The following BOC variants were observed in gnomAD, a reference collection of about 807,000 sequenced individuals.
The protein encoded by BOC is BOC cell adhesion associated, oncogene regulated, also known as brother of CDO.
Under a neutral mutation model 112.0 loss-of-function variants are expected in BOC, and 76 were observed. The observed-to-expected ratio is 0.68, with a 90% CI of 0.56 to 0.82. The LOEUF (loss-of-function observed/expected upper bound fraction) is 0.82, where lower values mean the gene tolerates loss of function less well. BOC is among the 40% of genes least tolerant of loss of function. BOC has a pLI of 0.00. For synonymous variants in BOC, 580 were observed against 599.8 expected (o/e 0.97, Z 0.48); for missense variants, 1,309 against 1,511.7 (o/e 0.87, Z 2.22).
chr3:113,279,528 A>G, intron 12 of BOC, 73 bp downstream of exon 12: 2 of 1,443,782 alleles, frequency 1.4e-6, no homozygotes, highest in Non-Finnish European at 1.9e-6. Flanking sequence ...GAGGATGACG[A>G]GCCTGGGATC....
At position 113,258,593 on chromosome 3, in the gene BOC, C is replaced by A. The variant is rs79604452; in HGVS notation, c.376+7760C>A. On this transcript the variant is annotated intron_variant, in intron 4 of 19. Coordinates refer to ENST00000682979, the MANE Select transcript of BOC (RefSeq NM_001378074.1). The stretch of plus-strand genomic sequence containing the variant: ...GTGTTGGCTTGGGCATCAGGGAATC[C>A]TGTACAAGCTTTTTGCTTTGGGATG... Among the ~76,000 whole-genome samples the A allele has an allele frequency of 3.8e-3, 572 of 152,290 alleles. 16 individuals carry two copies. The East Asian group carries it at 0.087, about 23-fold the overall frequency.
chr3:113,213,179 C>A (rs776812366), intron 1 of BOC, among the ~76,000 whole-genome samples: 17 of 152,140 alleles, frequency 1.1e-4, no homozygotes, highest in Non-Finnish European at 2.1e-4. Context: ...TCTGCTGCTC[C>A]CCTCATCCCT....
At chr3:113,231,261 C>T (rs544115656) in intron 2 of BOC, among the ~76,000 whole-genome samples, 1 of 152,198 alleles carries the variant, frequency 6.6e-6, no homozygotes, top group South Asian at 2.1e-4. Context: ...TTGAAAATTT[C>T]CAAGGTATTT....
intron 1 of BOC, among the ~76,000 whole-genome samples, chr3:113,215,817 T>C (rs2107568910): frequency 6.6e-6 from 1 of 152,360 alleles, no homozygotes; most frequent in East Asian, 1.9e-4. Flanking sequence ...GTTCATTCCT[T>C]GCCCTCTGTA....
Position 113,274,453 on chromosome 3 carries a change from C to G in BOC, c.1313C>G (p.Pro438Arg). Residue 438 changes from proline to arginine, a missense_variant, in exon 9 of 20, where the codon CCT becomes CGT. Pro to Arg is a moderately radical substitution (Grantham distance 103). Transcript: ENST00000682979. The surrounding 1 kb of genome is among the most constrained non-coding windows in gnomAD (Gnocchi z 4.8). ...PPVSPSKLGN[P>R]EQMLRGQPAL... ...GTATCACCCTCCAAACTCGGCAACC[C>G]TGAGCAGATGCTGAGGGGGCAACCG... 1 of 1,610,426 alleles carries G rather than the reference C, an allele frequency of 6.2e-7. No individual in the cohort carries two copies. Among genetic ancestry groups the G allele is most frequent in the Non-Finnish European group, 8.5e-7 (1 of 1,177,680 alleles).
chr3:113,270,805 C>CCCTT lies in BOC; in HGVS notation c.528_529insCCTT (p.Tyr177ProfsTer52). ...CTGGCCCTGCCCTTTCCACAGGTAACTACCTGATCATGCCCTCAGGGAACC... is the reference window on the plus strand; with the variant it reads ...CTGGCCCTGCCCTTTCCACAGGTAACCCTTTACCTGATCATGCCCTCAGGGAACC... On this transcript the variant is annotated frameshift_variant, in exon 6 of 20. Transcript: ENST00000682979. LOFTEE classifies it high-confidence loss of function. 1 of 1,610,920 alleles carries CCCTT rather than the reference C, an allele frequency of 6.2e-7. No homozygotes were observed. The highest frequency in any genetic ancestry group is 2.2e-5 in the East Asian group (1 of 44,874).
At chr3:113,273,777 C>T (rs1211740126) in intron 8 of BOC, among the ~76,000 whole-genome samples, 1 of 152,160 alleles carries the variant, frequency 6.6e-6, no homozygotes, top group African/African-American at 2.4e-5. Flanking sequence ...GAGAAAAATA[C>T]AGCAATGAAT....
At position 113,278,266 on chromosome 3, in the gene BOC, C is replaced by T. The variant is rs1221066351; in HGVS notation, c.1705+9C>T. ...GGTCACCTTCCGAACTGGTGAGAGTCAAACATTGCCCCTTGCTTAGGGTTT... is the reference window on the plus strand; with the variant it reads ...GGTCACCTTCCGAACTGGTGAGAGTTAAACATTGCCCCTTGCTTAGGGTTT... On this transcript the variant is annotated intron_variant, in intron 10 of 19. Transcript: ENST00000682979. The surrounding 1 kb of genome is among the most constrained non-coding windows in gnomAD (Gnocchi z 4.2). The T allele has an allele frequency of 6.2e-7, 1 of 1,613,798 alleles. No homozygotes were observed. Among genetic ancestry groups the T allele is most frequent in the Admixed American group, 1.7e-5 (1 of 60,016 alleles).
Position 113,284,822 on chromosome 3 carries a change from G to A in BOC, c.2930G>A (p.Gly977Asp), listed in dbSNP as rs992792373. The A allele has an allele frequency of 1.2e-6, 2 of 1,614,226 alleles. No individual in the cohort carries two copies. Among genetic ancestry groups the A allele is most frequent in the Non-Finnish European group, 1.7e-6 (2 of 1,180,044 alleles). ...TSSLLRQTHL[G>D]NGYDPQSHQI... Reference sequence around the variant, plus strand: ...AGCCTGCTGAGGCAGACCCATCTTGGCAATGGATATGACCCCCAAAGTCAC... The same window carrying A: ...AGCCTGCTGAGGCAGACCCATCTTGACAATGGATATGACCCCCAAAGTCAC... The change falls in exon 18 of 20, where the codon GGC becomes GAC. Residue 977 changes from glycine (G) to aspartate (D), a missense_variant. Gly to Asp is a moderately conservative substitution (Grantham distance 94, BLOSUM62 -1). Transcript: ENST00000682979.
chr3:113,269,544 T>C (rs1947881608), intron 5 of BOC: 1 of 151,964 alleles, frequency 6.6e-6, no homozygotes, highest in Non-Finnish European at 1.5e-5. Flanking sequence ...AAAAAATATA[T>C]ATATATACCT....
chr3:113,250,641 C>A lies in BOC; in HGVS notation c.184C>A (p.Pro62Thr). ...TVILGCVVEP[P>T]RMNVTWRLNG... ...GATCTTGGGCTGCGTGGTGGAACCTCCAAGGATGAATGTAACCTGGCGCCT... is the reference window on the plus strand; with the variant it reads ...GATCTTGGGCTGCGTGGTGGAACCTACAAGGATGAATGTAACCTGGCGCCT... Residue 62 changes from proline to threonine, a missense_variant, in exon 4 of 20, where the codon CCA becomes ACA. Transcript: ENST00000682979. 1 of 1,614,200 alleles carries A rather than the reference C, an allele frequency of 6.2e-7. No individual in the cohort carries two copies. Among genetic ancestry groups the A allele is most frequent in the Non-Finnish European group, 8.5e-7 (1 of 1,180,040 alleles).
At position 113,280,582 on chromosome 3, in the gene BOC, A is replaced by G; in HGVS notation, c.2230A>G (p.Thr744Ala). ...GTACATCCCAGCAAGTAACAACAAC[A>G]CCCCAATCCATGGCTTTTATATCTA... is the stretch of plus-strand genomic sequence containing the variant. ...WMYIPASNNN[T>A]PIHGFYIYYR... is the part of the protein sequence containing the mutation. The change falls in exon 14 of 20, where the codon ACC becomes GCC. Residue 744 changes from threonine (T) to alanine (A), a missense_variant. By Grantham distance (58) the Thr-to-Ala change is moderately conservative (BLOSUM62 0). Coordinates refer to ENST00000682979, the MANE Select transcript of BOC (RefSeq NM_001378074.1). The G allele has an allele frequency of 1.9e-6, 3 of 1,611,316 alleles. No homozygotes were observed. Among genetic ancestry groups the G allele is most frequent in the Non-Finnish European group, 2.5e-6 (3 of 1,177,510 alleles).
In BOC at chr3:113,280,607, A is replaced by G; in HGVS notation, c.2255A>G (p.Tyr752Cys). ...NNTPIHGFYI[Y>C]YRPTDSDNDS... ...ACCCCAATCCATGGCTTTTATATCT[A>G]TTATCGACCCACAGACAGTGACAAT... Residue 752 changes from tyrosine to cysteine, a missense_variant, in exon 14 of 20, where the codon TAT becomes TGT. Tyr to Cys is a radical substitution (Grantham distance 194). Coordinates refer to ENST00000682979, the MANE Select transcript of BOC (RefSeq NM_001378074.1). 6.2e-7 allele frequency: 1 copy of G among 1,612,956 alleles called. No individual in the cohort carries two copies. The highest frequency in any genetic ancestry group is 1.3e-5 in the African/African-American group (1 of 75,022).
chr3:113,262,672 G>A (rs1311078017), intron 4 of BOC, among the ~76,000 whole-genome samples: 2 of 152,182 alleles, frequency 1.3e-5, no homozygotes, highest in Admixed American at 1.3e-4. Context: ...TTCTGTTTCT[G>A]TAGTTGTCCC....
At chr3:113,284,205 C>A in intron 16 of BOC, 130 bp from the exon 17 acceptor site, 1 of 735,314 alleles carries the variant, frequency 1.4e-6, no homozygotes, top group Non-Finnish European at 2.4e-6. Context: ...ATCGCTTGGG[C>A]ACTGTCAACT....
intron 2 of BOC, among the ~76,000 whole-genome samples, chr3:113,225,283 C>A (rs966738016): frequency 8.4e-5 from 12 of 143,504 alleles, no homozygotes; most frequent in South Asian, 4.3e-4. Context: ...AAAAAAAAAA[C>A]AACAAAAAAA....
chr3:113,274,443 C>G lies in BOC; in HGVS notation c.1303C>G (p.Leu435Val). ...TGTPPVSPSKLGNPEQMLRGQ... is the reference protein window; with the variant it reads ...TGTPPVSPSKVGNPEQMLRGQ... The stretch of plus-strand genomic sequence containing the variant: ...CACACCTCCTGTATCACCCTCCAAA[C>G]TCGGCAACCCTGAGCAGATGCTGAG... The change falls in exon 9 of 20, where the codon CTC becomes GTC. Residue 435 changes from leucine to valine, a missense_variant. By Grantham distance (32) the Leu-to-Val change is conservative. Coordinates refer to ENST00000682979, the MANE Select transcript of BOC (RefSeq NM_001378074.1). The surrounding 1 kb of genome is among the most constrained non-coding windows in gnomAD (Gnocchi z 4.8). The G allele has an allele frequency of 6.2e-7, 1 of 1,601,840 alleles. No homozygotes were observed. Among genetic ancestry groups the G allele is most frequent in the Non-Finnish European group, 8.5e-7 (1 of 1,171,290 alleles).
At chr3:113,251,202 C>G (rs1945598775) in intron 4 of BOC, 1 of 465,662 alleles carries the variant, frequency 2.1e-6, no homozygotes, top group South Asian at 3.5e-5. Context: ...GCTCACACAC[C>G]TTCCAGTCCC....
Position 113,285,525 on chromosome 3 carries a change from T to G in BOC, c.3120T>G (p.Ser1040Arg), listed in dbSNP as rs773469617. 1 of 1,610,412 alleles carries G rather than the reference T, an allele frequency of 6.2e-7. No individual in the cohort carries two copies. The highest frequency in any genetic ancestry group is 8.5e-7 in the Non-Finnish European group (1 of 1,178,182). The change falls in exon 19 of 20, where the codon AGT (serine) becomes AGG (arginine). Residue 1040 changes from serine to arginine, a missense_variant. Ser to Arg is a moderately radical substitution (Grantham distance 110, BLOSUM62 -1). Coordinates refer to ENST00000682979, the MANE Select transcript of BOC (RefSeq NM_001378074.1). ...GQSGVRRAPD[S>R]PVLEAVWDPP... ...CAGGGGTGAGGAGAGCCCCCGACAG[T>G]CCTGTCCTGGAAGCAGTGTGGGACC...
Sources: allele counts gnomAD v4.1 joint callset (sites outside exome capture counted in the v4.1 genomes callset), GRCh38; gene constraint gnomAD v4.1.1; non-coding constraint Gnocchi (gnomAD v3.1); transcripts MANE v1.5; gene names NCBI Gene and HGNC (gene_info 2026-07-23, HGNC 2026-07-21).